The following AKAP12 variants were observed in gnomAD, a reference collection of about 807,000 sequenced individuals.
The protein encoded by AKAP12 is A-kinase anchoring protein 12, also known as A-kinase anchor protein 12.
Under a neutral mutation model 79.9 loss-of-function variants are expected in AKAP12, and 32 were observed. The ratio of observed to expected loss-of-function variants is 0.40; its 90% CI spans 0.30 to 0.54. The LOEUF is 0.54. AKAP12 is among the 20% of genes least tolerant of loss of function. The pLI, the probability that AKAP12 is intolerant of heterozygous loss-of-function variation, is 0.48. For missense variants in AKAP12, 2,074 were observed against 2,177.0 expected, an observed-to-expected ratio of 0.95 and a Z score of 0.94; for synonymous variants, 808 against 857.0, an observed-to-expected ratio of 0.94 and a Z score of 1.00.
intron 1 of AKAP12, 51 bp from the exon 2 acceptor site, chr6:151,240,333 G>T (rs1262254111): frequency 5.0e-6 from 2 of 403,064 alleles, no homozygotes; most frequent in Non-Finnish European, 4.3e-6. Flanking sequence ...CCGGGGGGAG[G>T]GGGGCGGAGG....
chr6:151,246,233 A>G (rs1317291684), intron 2 of AKAP12, among the ~76,000 whole-genome samples: 5 of 152,210 alleles, frequency 3.3e-5, no homozygotes, highest in Non-Finnish European at 5.9e-5. Flanking sequence ...CCTGGCCAAC[A>G]TGGCGAAACC....
intron 3 of AKAP12, among the ~76,000 whole-genome samples, chr6:151,323,380 G>A (rs1379662552): frequency 1.3e-5 from 2 of 152,178 alleles, no homozygotes; most frequent in East Asian, 1.9e-4. Flanking sequence ...GTGAAACCCC[G>A]TCTCCACTAA....
At chr6:151,255,570 G>A (rs949336850) in intron 2 of AKAP12, among the ~76,000 whole-genome samples, 3 of 152,048 alleles carry the variant, frequency 2.0e-5, no homozygotes, top group Admixed American at 6.5e-5. Flanking sequence ...AGCCGAGGCA[G>A]GAGGGTCACT....
At chr6:151,315,291 T>C (rs1385807113) in intron 3 of AKAP12, among the ~76,000 whole-genome samples, 1 of 152,200 alleles carries the variant, frequency 6.6e-6, no homozygotes, top group Non-Finnish European at 1.5e-5. Context: ...ACCAACAGAA[T>C]CAGAGTCTTG....
chr6:151,319,629 C>T (rs1396139334), intron 3 of AKAP12: 2 of 152,450 alleles, frequency 1.3e-5, no homozygotes, highest in African/African-American at 2.4e-5. Context: ...TTTAAATTAT[C>T]TTGGAGCATT....
intron 3 of AKAP12, 59 bp downstream of exon 3, chr6:151,305,962 A>C: frequency 6.6e-7 from 1 of 1,511,166 alleles, no homozygotes; most frequent in East Asian, 2.4e-5. Context: ...CTTTGGACTC[A>C]GCAGAAAATA....
intron 4 of AKAP12, among the ~76,000 whole-genome samples, chr6:151,355,146 A>G (rs1455910756): frequency 1.3e-5 from 2 of 150,320 alleles, no homozygotes; most frequent in East Asian, 4.0e-4. Flanking sequence ...CAGATAACAC[A>G]CCACCATGCC....
intron 2 of AKAP12, among the ~76,000 whole-genome samples, chr6:151,276,744 C>T (rs921174803): frequency 1.3e-5 from 2 of 152,190 alleles, no homozygotes; most frequent in African/African-American, 4.8e-5. Flanking sequence ...TTTGCCTGTT[C>T]CCCCTAGCAA....
At chr6:151,324,642 G>A (rs1460073521) in intron 3 of AKAP12, 1 of 985,208 alleles carries the variant, frequency 1.0e-6, no homozygotes, top group African/African-American at 1.7e-5. Flanking sequence ...TTGTGTAGGG[G>A]AAGAGCTGGT....
chr6:151,243,249 C>A (rs1056269041), intron 2 of AKAP12, among the ~76,000 whole-genome samples: 1 of 152,134 alleles, frequency 6.6e-6, no homozygotes, highest in African/African-American at 2.4e-5. Context: ...TGTCTGTGGA[C>A]GGTTGGGGAG....
At chr6:151,288,006 T>C (rs1776539430) in intron 2 of AKAP12, among the ~76,000 whole-genome samples, 1 of 149,832 alleles carries the variant, frequency 6.7e-6, no homozygotes, top group African/African-American at 2.5e-5. Flanking sequence ...TACGTAGGAG[T>C]TGAACAAGGA....
At chr6:151,325,381 A>T in intron 3 of AKAP12, 1 of 985,466 alleles carries the variant, frequency 1.0e-6, no homozygotes, top group Non-Finnish European at 1.2e-6. Flanking sequence ...CCAGGAATGA[A>T]GTAACCGTTT....
chr6:151,355,655 A>C (rs963555526), intron 4 of AKAP12, 72 bp from the exon 5 acceptor site: 3 of 152,574 alleles, frequency 2.0e-5, no homozygotes, highest in East Asian at 3.9e-4. Flanking sequence ...TCACTTTGAC[A>C]ACTATCCTGT....
intron 2 of AKAP12, among the ~76,000 whole-genome samples, chr6:151,282,093 A>AT (rs372937738): frequency 8.8e-4 from 125 of 141,642 alleles, no homozygotes; most frequent in African/African-American, 3.3e-3. Context: ...ATCTATTTTT[A>AT]TTTTTTCTGA....
At chr6:151,321,248 A>G (rs1048305191) in intron 3 of AKAP12, among the ~76,000 whole-genome samples, 1 of 152,080 alleles carries the variant, frequency 6.6e-6, no homozygotes, top group Non-Finnish European at 1.5e-5. Context: ...CGGCCTCCCA[A>G]AGTGTTGGGA....
At chr6:151,240,748 C>A (rs1326969327) in intron 2 of AKAP12, 24 bp downstream of exon 2, 33 of 768,402 alleles carry the variant, frequency 4.3e-5, no homozygotes, top group Non-Finnish European at 5.1e-5. Context: ...GGGCCACCTG[C>A]GCCGGGAGGC....
chr6:151,276,301 G>T (rs1776290956), intron 2 of AKAP12, among the ~76,000 whole-genome samples: 1 of 152,198 alleles, frequency 6.6e-6, no homozygotes, highest in South Asian at 2.1e-4. Context: ...TGTCCTGGTG[G>T]TTATAGTCAC....
intron 2 of AKAP12, among the ~76,000 whole-genome samples, chr6:151,260,869 G>A (rs1350361593): frequency 2.0e-5 from 3 of 152,138 alleles, no homozygotes; most frequent in Admixed American, 6.5e-5. Context: ...GTGCGCACCT[G>A]TAGTCCCAGC....
At chr6:151,345,893 ATATGTGTG>A (rs1284463452) in intron 3 of AKAP12, among the ~76,000 whole-genome samples, 10 of 82,348 alleles carry the variant, frequency 1.2e-4, no homozygotes, top group African/African-American at 3.9e-4. Flanking sequence ...ATGTGTGTGT[ATATGTGTG>A]TGTGTGTGTG....
Sources: allele counts gnomAD v4.1 joint callset (sites outside exome capture counted in the v4.1 genomes callset), GRCh38; gene constraint gnomAD v4.1.1; transcripts MANE v1.5; gene names NCBI Gene and HGNC (gene_info 2026-07-23, HGNC 2026-07-21).